TMEM132D: variants seen among roughly 807,000 people sequenced by gnomAD.
TMEM132D encodes the protein transmembrane protein 132D.
A neutral mutation model predicts 62.3 loss-of-function variants in TMEM132D; 21 were observed. The observed-to-expected ratio is 0.34, with a 90% CI of 0.24 to 0.49. The LOEUF (loss-of-function observed/expected upper bound fraction) is 0.49. Ranked by LOEUF, TMEM132D falls within the 20% of genes least tolerant of loss-of-function variation. The probability of loss-of-function intolerance (pLI) is 0.99; values close to 1 mark genes in which losing one functional copy is unlikely to be tolerated. For synonymous variants in TMEM132D, 621 were observed against 575.6 expected (o/e 1.08, Z -1.13); for missense variants, 1,346 against 1,402.8 (o/e 0.96, Z 0.65).
intron 1 of TMEM132D, among the ~76,000 whole-genome samples, chr12:129,849,779 T>C (rs1566007667): frequency 6.6e-6 from 1 of 152,190 alleles, no homozygotes; most frequent in Non-Finnish European, 1.5e-5. Context: ...TAAATTATGA[T>C]ATCAGTATAC....
At chr12:129,489,400 G>A (rs1232751887) in intron 3 of TMEM132D, among the ~76,000 whole-genome samples, 1 of 152,182 alleles carries the variant, frequency 6.6e-6, no homozygotes, top group Non-Finnish European at 1.5e-5. Flanking sequence ...GGCAGTGTTT[G>A]GGCCTTGTGT....
At chr12:129,238,996 G>GGTTTTTTTTTTT (rs374959544) in intron 4 of TMEM132D, among the ~76,000 whole-genome samples, 4 of 133,046 alleles carry the variant, frequency 3.0e-5, no homozygotes, top group Non-Finnish European at 6.4e-5. Context: ...GTTATTTTCT[G>GGTTTTTTTTTTT]TTTTTTTTTT....
At chr12:129,675,315 T>C (rs965160544) in intron 2 of TMEM132D, among the ~76,000 whole-genome samples, 3 of 151,614 alleles carry the variant, frequency 2.0e-5, no homozygotes, top group Admixed American at 2.0e-4. Flanking sequence ...TAAGTGGGAA[T>C]TGAACAATGA....
At chr12:129,444,348 T>G (rs1242723187) in intron 3 of TMEM132D, among the ~76,000 whole-genome samples, 1 of 152,162 alleles carries the variant, frequency 6.6e-6, no homozygotes, top group Non-Finnish European at 1.5e-5. Context: ...GGAAAATTTT[T>G]GTAACAATAC....
intron 3 of TMEM132D, among the ~76,000 whole-genome samples, chr12:129,471,295 C>T (rs549683384): frequency 2.4e-4 from 37 of 151,494 alleles, no homozygotes; most frequent in African/African-American, 7.8e-4. Context: ...GCAACATGTG[C>T]TCACTTTGTG....
intron 3 of TMEM132D, among the ~76,000 whole-genome samples, chr12:129,522,988 G>T (rs1447086332): frequency 1.3e-5 from 2 of 151,776 alleles, no homozygotes; most frequent in Non-Finnish European, 2.9e-5. Flanking sequence ...TAGAAAAATA[G>T]ATGTATGTAG....
intron 1 of TMEM132D, among the ~76,000 whole-genome samples, chr12:129,874,867 A>C (rs1308854084): frequency 6.6e-6 from 1 of 151,840 alleles, no homozygotes; most frequent in African/African-American, 2.4e-5. Flanking sequence ...CGCCCAGCTA[A>C]TTTTGTATTT....
intron 4 of TMEM132D, among the ~76,000 whole-genome samples, chr12:129,253,811 G>A (rs1486715202): frequency 6.6e-6 from 1 of 152,160 alleles, no homozygotes; most frequent in African/African-American, 2.4e-5. Context: ...ACTTCCAGGG[G>A]AGACTGGCTC....
chr12:129,635,671 A>T (rs1879457985), intron 2 of TMEM132D, among the ~76,000 whole-genome samples: 1 of 152,194 alleles, frequency 6.6e-6, no homozygotes, highest in Non-Finnish European at 1.5e-5. Flanking sequence ...TAGTTAATTA[A>T]GTTACGCAGA....
At chr12:129,570,024 G>T (rs903013114) in intron 2 of TMEM132D, among the ~76,000 whole-genome samples, 4 of 152,098 alleles carry the variant, frequency 2.6e-5, no homozygotes, top group Non-Finnish European at 5.9e-5. Context: ...ACTCAAAGAA[G>T]CCGAGTGATG....
chr12:129,153,864 ATTTCCCG>A (rs1877150734), intron 5 of TMEM132D, among the ~76,000 whole-genome samples: 1 of 151,968 alleles, frequency 6.6e-6, no homozygotes, highest in Non-Finnish European at 1.5e-5. Context: ...GCTGGGAATC[ATTTCCCG>A]GCTCTGGAAA....
chr12:129,707,727 T>C (rs891652494), intron 1 of TMEM132D, among the ~76,000 whole-genome samples: 3 of 152,340 alleles, frequency 2.0e-5, no homozygotes, highest in East Asian at 1.9e-4. Flanking sequence ...GATACATTTC[T>C]GTCTTTATCA....
At chr12:129,615,712 C>T (rs1052755758) in intron 2 of TMEM132D, among the ~76,000 whole-genome samples, 6 of 151,096 alleles carry the variant, frequency 4.0e-5, no homozygotes, top group African/African-American at 1.5e-4. Context: ...GTCGAGGCTG[C>T]CGTGGGTTGT....
chr12:129,523,279 C>T (rs1875910885), intron 3 of TMEM132D, among the ~76,000 whole-genome samples: 1 of 152,192 alleles, frequency 6.6e-6, no homozygotes, highest in Admixed American at 6.5e-5. Flanking sequence ...GGAGCTTTCT[C>T]TTTCCTCGAA....
intron 3 of TMEM132D, among the ~76,000 whole-genome samples, chr12:129,473,546 G>A (rs530333449): frequency 3.4e-4 from 52 of 151,906 alleles, no homozygotes; most frequent in Non-Finnish European, 7.4e-5. Context: ...GGCCAGGCTG[G>A]TCTCGAACCC....
intron 1 of TMEM132D, among the ~76,000 whole-genome samples, chr12:129,717,406 A>G (rs369568477): frequency 6.6e-6 from 1 of 152,094 alleles, no homozygotes; most frequent in African/African-American, 2.4e-5. Context: ...TTGCTACTTC[A>G]TTTGCCTTTT....
chr12:129,422,657 AT>A (rs953593401), intron 3 of TMEM132D, among the ~76,000 whole-genome samples: 1 of 152,214 alleles, frequency 6.6e-6, no homozygotes, highest in African/African-American at 2.4e-5. Flanking sequence ...CAATTTACAT[AT>A]TCTTTGAGCC....
At chr12:129,701,106 C>T (rs1881375714) in intron 1 of TMEM132D, among the ~76,000 whole-genome samples, 1 of 152,186 alleles carries the variant, frequency 6.6e-6, no homozygotes, top group East Asian at 1.9e-4. Flanking sequence ...GTCCCATTGA[C>T]TCAACACAGA....
intron 5 of TMEM132D, among the ~76,000 whole-genome samples, chr12:129,106,158 A>G (rs1875489598): frequency 6.6e-6 from 1 of 151,306 alleles, no homozygotes; most frequent in Non-Finnish European, 1.5e-5. Context: ...TCAGTAAACT[A>G]TCGTAAGAAC....
Sources: gnomAD v4.1 joint callset for allele counts (sites outside exome capture counted in the v4.1 genomes callset) on GRCh38, gnomAD v4.1.1 for gene constraint, MANE v1.5 for transcripts, NCBI Gene and HGNC (gene_info 2026-07-23, HGNC 2026-07-21) for gene names.